The following ARAP2 variants were observed in gnomAD, a reference collection of about 807,000 sequenced individuals.
ARAP2 encodes ArfGAP with RhoGAP domain, ankyrin repeat and PH domain 2.
In ARAP2, 148 loss-of-function variants were observed where a neutral mutation model predicts 194.5. The observed-to-expected ratio is 0.76, with a 90% confidence interval of 0.67 to 0.87. ARAP2 has a LOEUF of 0.87. Ranked by LOEUF, ARAP2 falls within the 40% of genes least tolerant of loss-of-function variation. The probability of loss-of-function intolerance (pLI) is 0.00; values close to 1 mark genes in which losing one functional copy is unlikely to be tolerated. For synonymous variants in ARAP2, 695 were observed against 683.5 expected (o/e 1.02, Z -0.26); for missense variants, 2,128 against 1,989.7 (o/e 1.07, Z -1.32).
chr4:36,082,338 C>A (rs988850146), intron 29 of ARAP2, 52 bp from the exon 30 acceptor site: 9 of 1,539,196 alleles, frequency 5.8e-6, no homozygotes, highest in Non-Finnish European at 8.0e-6. Context: ...ATACATTTTA[C>A]AAGACAGAAA....
chr4:36,244,213 TGAGGCGGCGCTGGGAAG>T lies in ARAP2; in HGVS notation c.-211_-195del, dbSNP rs1256149358. 6.6e-6 allele frequency: 1 copy of T among 151,718 alleles called. No individual in the cohort carries two copies. The highest frequency in any genetic ancestry group is 2.4e-5 in the African/African-American group (1 of 41,274). 9.4% of individuals were successfully genotyped at this position (151,718 alleles called of 1,614,324 possible). On this transcript the variant is annotated 5_prime_UTR_variant, in exon 1 of 33. Transcript: ENST00000303965. Reference sequence around the variant, plus strand: ...GGGTCGCGGAGTTCGAAAAGCGAGGTGAGGCGGCGCTGGGAAGCTCAGCGCCGGCGTCTCTCCCAGCC... The same window carrying T: ...GGGTCGCGGAGTTCGAAAAGCGAGGTCTCAGCGCCGGCGTCTCTCCCAGCC...
chr4:36,156,160 T>C (rs1356051818), intron 15 of ARAP2, among the ~76,000 whole-genome samples: 2 of 151,628 alleles, frequency 1.3e-5, no homozygotes, highest in Non-Finnish European at 2.9e-5. Flanking sequence ...TGGATGCCTA[T>C]AATCCCAGAT....
At chr4:36,201,707 C>G (rs1052417523) in intron 6 of ARAP2, among the ~76,000 whole-genome samples, 7 of 152,136 alleles carry the variant, frequency 4.6e-5, no homozygotes, top group African/African-American at 1.7e-4. Context: ...TTTAACAACA[C>G]TGTATACACA....
At chr4:36,196,460 A>G (rs1181126346) in intron 6 of ARAP2, among the ~76,000 whole-genome samples, 1 of 152,204 alleles carries the variant, frequency 6.6e-6, no homozygotes, top group Non-Finnish European at 1.5e-5. Context: ...TCAGCCTCTG[A>G]GAGAATCAGC....
intron 19 of ARAP2, among the ~76,000 whole-genome samples, chr4:36,141,372 A>C (rs1728267569): frequency 6.6e-6 from 1 of 151,708 alleles, no homozygotes; most frequent in Non-Finnish European, 1.5e-5. Flanking sequence ...TAATTTTTAA[A>C]GTATACAAGG....
intron 6 of ARAP2, among the ~76,000 whole-genome samples, chr4:36,202,917 A>C (rs1180834858): frequency 6.6e-6 from 1 of 152,248 alleles, no homozygotes; most frequent in African/African-American, 2.4e-5. Context: ...CCAGCATTCG[A>C]TTAAATTAAG....
intron 7 of ARAP2, 48 bp from the exon 8 acceptor site, chr4:36,187,619 T>C: frequency 2.7e-6 from 4 of 1,469,178 alleles, no homozygotes; most frequent in Non-Finnish European, 3.6e-6. Flanking sequence ...CGAAATTCTC[T>C]TGATCTTATC....
intron 11 of ARAP2, 128 bp from the exon 12 acceptor site, chr4:36,161,678 A>AGGCCGGGCGCGGTGGCTCACG: frequency 1.5e-6 from 1 of 662,502 alleles, no homozygotes; most frequent in South Asian, 1.8e-5. Flanking sequence ...ACACACCAAT[A>AGGCCGGGCGCGGTGGCTCACG]CCTGCTTTCC....
chr4:36,073,039 CAATTA>C (rs1220548417), intron 32 of ARAP2, among the ~76,000 whole-genome samples: 2 of 152,098 alleles, frequency 1.3e-5, no homozygotes, highest in East Asian at 3.9e-4. Flanking sequence ...TTCAGAGACT[CAATTA>C]AGACACTGAA....
intron 2 of ARAP2, among the ~76,000 whole-genome samples, chr4:36,057,053 GT>G (rs11295608): frequency 0.73 from 106,146 of 145,002 alleles, 39,255 homozygotes; most frequent in Non-Finnish European, 0.83. Context: ...GTTTTTTGTT[GT>G]TTTTTTTTTT....
At chr4:36,078,228 A>G (rs897136171) in intron 31 of ARAP2, among the ~76,000 whole-genome samples, 1 of 152,116 alleles carries the variant, frequency 6.6e-6, no homozygotes, top group Non-Finnish European at 1.5e-5. Context: ...GAAATAGCTA[A>G]TTACATTTTT....
chr4:36,086,089 T>C (rs1485927376), intron 28 of ARAP2, among the ~76,000 whole-genome samples: 2 of 152,052 alleles, frequency 1.3e-5, no homozygotes, highest in African/African-American at 4.8e-5. Flanking sequence ...GCCACCTGTG[T>C]CAGAGGTTAA....
At position 36,229,663 on chromosome 4, in the gene ARAP2, A is replaced by G; in HGVS notation, c.-159-18T>C. ...GCTTAAGCCTAGAAAAAAATAAAAA[A>G]TGATTCATTAGGCTATTTTAATTAT... On this transcript the variant is annotated intron_variant, in intron 1 of 32. Coordinates refer to ENST00000303965, the MANE Select transcript of ARAP2 (RefSeq NM_015230.4). 1 of 449,528 alleles carries G rather than the reference A, an allele frequency of 2.2e-6. No individual in the cohort carries two copies. Among genetic ancestry groups the G allele is most frequent in the Non-Finnish European group, 3.9e-6 (1 of 256,780 alleles). The allele number at this position is 449,528 out of a possible 1,614,324, so 27.8% of individuals were successfully genotyped here.
chr4:36,100,173 A>C (rs13137847), intron 27 of ARAP2, among the ~76,000 whole-genome samples: 117,500 of 152,014 alleles, frequency 0.77, 47,761 homozygotes, highest in South Asian at 0.92. Context: ...TGTAAGTAGC[A>C]GTAACCCTAA....
chr4:36,179,413 A>C (rs1738710558), intron 8 of ARAP2, among the ~76,000 whole-genome samples: 2 of 152,250 alleles, frequency 1.3e-5, no homozygotes, highest in Non-Finnish European at 2.9e-5. Context: ...TTAACAGAAC[A>C]ACCTCAGGTT....
intron 11 of ARAP2, among the ~76,000 whole-genome samples, chr4:36,163,361 A>G (rs1034604885): frequency 2.0e-5 from 3 of 152,198 alleles, no homozygotes; most frequent in Non-Finnish European, 4.4e-5. Context: ...CACTCAAATA[A>G]AGAGACAATA....
chr4:36,102,196 C>T lies in ARAP2; in HGVS notation c.4285+5369G>A, dbSNP rs149394529. On this transcript the variant is annotated intron_variant, in intron 27 of 32. Coordinates refer to ENST00000303965, the MANE Select transcript of ARAP2 (RefSeq NM_015230.4). ...TTCTAGACATATATCCTCAAACACACGTCAGACTCTTAAAGCTCAGCACGT... is the reference window on the plus strand; with the variant it reads ...TTCTAGACATATATCCTCAAACACATGTCAGACTCTTAAAGCTCAGCACGT... 2.3e-4 allele frequency among the ~76,000 whole-genome samples: 35 copies of T among 152,050 alleles called. 1 individual carries two copies. The East Asian group carries it at 5.6e-3, about 25-fold the overall frequency.
At chr4:36,128,388 A>G (rs1287324152) in intron 21 of ARAP2, 145 bp downstream of exon 21, 1 of 609,724 alleles carries the variant, frequency 1.6e-6, no homozygotes, top group East Asian at 2.8e-5. Context: ...GCCATTATGT[A>G]CATTGTTTCT....
chr4:36,094,198 GA>G (rs1378005714), intron 27 of ARAP2, among the ~76,000 whole-genome samples: 2 of 151,972 alleles, frequency 1.3e-5, no homozygotes, highest in African/African-American at 4.8e-5. Context: ...TTAAATGGTT[GA>G]AAAAAATTTC....
Sources: allele counts gnomAD v4.1 joint callset (sites outside exome capture counted in the v4.1 genomes callset), GRCh38; gene constraint gnomAD v4.1.1; transcripts MANE v1.5; gene names NCBI Gene and HGNC (gene_info 2026-07-23, HGNC 2026-07-21).